Variants in SPTB observed in about 807,000 individuals in gnomAD.
SPTB encodes the protein spectrin beta, erythrocytic.
Under a neutral mutation model 256.2 loss-of-function variants are expected in SPTB, and 45 were observed. That is an observed-to-expected ratio of 0.18 (90% confidence interval 0.14 to 0.23). The LOEUF (loss-of-function observed/expected upper bound fraction) is 0.23, where lower values mean the gene tolerates loss of function less well. Ranked by LOEUF, SPTB falls within the 10% of genes least tolerant of loss-of-function variation. The probability of loss-of-function intolerance (pLI) is 1.00; values close to 1 mark genes in which losing one functional copy is unlikely to be tolerated. For missense variants in SPTB, 2,715 were observed against 3,040.4 expected (o/e 0.89, Z 2.52); for synonymous variants, 1,231 against 1,243.1 (o/e 0.99, Z 0.21).
At position 64,779,288 on chromosome 14, in the gene SPTB, G is replaced by A. The variant is rs1741486; in HGVS notation, c.4474-42C>T. The A allele has an allele frequency of 0.25, 385,526 of 1,538,138 alleles. 54,942 individuals carry two copies. Among genetic ancestry groups the A allele is most frequent in the African/African-American group, 0.61 (44,251 of 71,968 alleles). ...GCAGGAGAGAGCTGATGACAATCAC[G>A]GCCAACCTTTCCTGAGTGCTCACCA... On this transcript the variant is annotated intron_variant, in intron 21 of 35. Coordinates refer to ENST00000644917, the MANE Select transcript of SPTB (RefSeq NM_001355436.2). The surrounding 1 kb of genome is among the most constrained non-coding windows in gnomAD (Gnocchi z 4.2).
chr14:64,792,100 CG>C lies in SPTB; in HGVS notation c.2667-245del, dbSNP rs757359284. On this transcript the variant is annotated intron_variant, in intron 14 of 35. Coordinates refer to ENST00000644917, the MANE Select transcript of SPTB (RefSeq NM_001355436.2). This position sits in a 1 kb window ranked among gnomAD's most constrained non-coding sequence, Gnocchi z 4.2. ...GGGAGAGAGCCAGTTACTTCCTACA[CG>C]GGCTTCTGGCTCAAGAGAGACATAT... 1.3e-5 allele frequency among the ~76,000 whole-genome samples: 2 copies of C among 152,160 alleles called. No homozygotes were observed. Among genetic ancestry groups the C allele is most frequent in the Non-Finnish European group, 2.9e-5 (2 of 68,044 alleles).
chr14:64,847,115 C>G lies in SPTB; in HGVS notation c.-51-23970G>C, dbSNP rs1342001203. ...TCGGGGTGTGATTTCCTCAGTTGTT[C>G]ACTGGCATAGAAGCCTCAAGCCCAG... On this transcript the variant is annotated intron_variant, in intron 1 of 35. Coordinates refer to ENST00000644917, the MANE Select transcript of SPTB (RefSeq NM_001355436.2). This position sits in a 1 kb window ranked among gnomAD's most constrained non-coding sequence, Gnocchi z 5.9. Among the ~76,000 whole-genome samples, 1 of 152,182 alleles carries G rather than the reference C, an allele frequency of 6.6e-6. No individual in the cohort carries two copies. The highest frequency in any genetic ancestry group is 1.5e-5 in the Non-Finnish European group (1 of 68,034).
chr14:64,792,949 C>T lies in SPTB; in HGVS notation c.2666+48G>A, dbSNP rs1233451522. On this transcript the variant is annotated intron_variant, in intron 14 of 35. Transcript: ENST00000644917. This position sits in a 1 kb window ranked among gnomAD's most constrained non-coding sequence, Gnocchi z 4.2. ...TTACCAAACTAGGTGGGAGATGGTG[C>T]CCAGGCCTGGGTACAGGGACGTGAG... is the stretch of plus-strand genomic sequence containing the variant. 3 of 1,613,050 alleles carry T rather than the reference C, an allele frequency of 1.9e-6. No homozygotes were observed. The highest frequency in any genetic ancestry group is 2.5e-6 in the Non-Finnish European group (3 of 1,179,908).
chr14:64,749,374 C>T lies in SPTB; in HGVS notation c.6919G>A (p.Gly2307Ser), dbSNP rs367617790. The T allele has an allele frequency of 1.5e-5, 24 of 1,610,230 alleles. No homozygotes were observed. Among genetic ancestry groups the T allele is most frequent in the Non-Finnish European group, 1.8e-5 (21 of 1,179,748 alleles). The part of the protein sequence containing the change: ...AQSLPLPSLS[G>S]PDASLGKKDK... ...TTCTTGCCGAGGCTGGCGTCGGGGC[C>T]GGAGAGGGAAGGCAGGGGCAGGCTC... Residue 2307 changes from glycine to serine, a missense_variant, in exon 36 of 36, where the codon GGC (glycine) becomes AGC (serine). Coordinates refer to ENST00000644917, the MANE Select transcript of SPTB (RefSeq NM_001355436.2). This position sits in a 1 kb window ranked among gnomAD's most constrained non-coding sequence, Gnocchi z 4.7.
At chr14:64,769,781 C>G in intron 27 of SPTB, 53 bp from the exon 28 acceptor site, 1 of 1,612,472 alleles carries the variant, frequency 6.2e-7, no homozygotes, top group Non-Finnish European at 8.5e-7. Context: ...CTCTGGCCTG[C>G]CTCTGTGTCC....
At chr14:64,763,658 G>A in intron 32 of SPTB, 3 of 504,316 alleles carry the variant, frequency 5.9e-6, no homozygotes, top group Admixed American at 5.9e-5. Flanking sequence ...GTTACCAACA[G>A]AATTAAGGAC....
intron 33 of SPTB, among the ~76,000 whole-genome samples, chr14:64,751,942 AAATT>A (rs1461855268): frequency 6.8e-6 from 1 of 147,174 alleles, no homozygotes; most frequent in Non-Finnish European, 1.5e-5. Context: ...AAAAAAAAAA[AAATT>A]AGCCAGGCGT....
chr14:64,840,168 A>G (rs1008737758), intron 1 of SPTB, among the ~76,000 whole-genome samples: 14 of 152,172 alleles, frequency 9.2e-5, no homozygotes, highest in Admixed American at 7.2e-4. Flanking sequence ...TTTGTTATAT[A>G]CTCTGCTCCA....
intron 2 of SPTB, among the ~76,000 whole-genome samples, chr14:64,822,368 T>A (rs1466506167): frequency 0.037 from 20 of 540 alleles, no homozygotes; most frequent in Admixed American, 0.068. Context: ...TCTCTCTCTC[T>A]CTCTCTCACA....
rs376848372 is a variant in SPTB at position 64,791,834 on chromosome 14, T to C, written c.2689A>G (p.Met897Val). The C allele has an allele frequency of 2.8e-5, 46 of 1,614,040 alleles. No homozygotes were observed. The highest frequency in any genetic ancestry group is 3.9e-5 in the Non-Finnish European group (46 of 1,180,038). Residue 897 changes from methionine to valine, a missense_variant, in exon 15 of 36, where the codon ATG becomes GTG. By Grantham distance (21) the Met-to-Val change is conservative. Around this residue, in one of 4 missense-constraint regions of SPTB, gnomAD observed 2,239 missense variants for 2,384.4 expected, o/e 0.94. Coordinates refer to ENST00000644917, the MANE Select transcript of SPTB (RefSeq NM_001355436.2). ...TCAATCTGAGTCATCAAGGTCTTCA[T>C]CTCCTGGTCCAGGATGTCGAACCTG... ...QHRFDILDQE[M>V]KTLMTQIDGV...
chr14:64,814,352 C>T (rs1339428542), intron 2 of SPTB, among the ~76,000 whole-genome samples: 1 of 152,134 alleles, frequency 6.6e-6, no homozygotes, highest in Non-Finnish European at 1.5e-5. Context: ...TTAATATATA[C>T]ACAGACCTAT....
intron 1 of SPTB, among the ~76,000 whole-genome samples, chr14:64,875,740 A>C (rs188882683): frequency 8.2e-4 from 125 of 152,226 alleles, no homozygotes; most frequent in Non-Finnish European, 8.5e-4. Flanking sequence ...TTCCACAGTC[A>C]TTTTTGGCTT....
rs373118190 is a variant in SPTB at position 64,853,918 on chromosome 14, G to A, written c.-52+25874C>T. Among the ~76,000 whole-genome samples the A allele has an allele frequency of 2.6e-5, 4 of 152,114 alleles. No homozygotes were observed. Among genetic ancestry groups the A allele is most frequent in the African/African-American group, 9.7e-5 (4 of 41,416 alleles). On this transcript the variant is annotated intron_variant, in intron 1 of 35. Coordinates refer to ENST00000644917, the MANE Select transcript of SPTB (RefSeq NM_001355436.2). The surrounding 1 kb of genome is among the most constrained non-coding windows in gnomAD (Gnocchi z 4.3). ...TTTAGATACTTATCACTGGCCAGCCGCGGTGGCTCACGCCTGTAATCCCAG... is the reference window on the plus strand; with the variant it reads ...TTTAGATACTTATCACTGGCCAGCCACGGTGGCTCACGCCTGTAATCCCAG...
intron 8 of SPTB, 62 bp from the exon 9 acceptor site, chr14:64,799,996 A>T (rs550504178): frequency 3.8e-6 from 6 of 1,586,202 alleles, no homozygotes; most frequent in Admixed American, 1.7e-5. Context: ...GAGGATATCA[A>T]TGAGGACCAC....
At chr14:64,817,750 C>A (rs979488429) in intron 2 of SPTB, among the ~76,000 whole-genome samples, 2 of 152,238 alleles carry the variant, frequency 1.3e-5, no homozygotes, top group Non-Finnish European at 2.9e-5. Flanking sequence ...GTCCTGAGGA[C>A]ACTCTCAGGG....
At position 64,853,452 on chromosome 14, in the gene SPTB, A is replaced by G. The variant is rs529565644; in HGVS notation, c.-52+26340T>C. Reference sequence around the variant, plus strand: ...CTCAGGGGAGGAAATTTCCAGAAGCAAGGAGCAAACAACACTGTCCCATAT... The same window carrying G: ...CTCAGGGGAGGAAATTTCCAGAAGCGAGGAGCAAACAACACTGTCCCATAT... On this transcript the variant is annotated intron_variant, in intron 1 of 35. Coordinates refer to ENST00000644917, the MANE Select transcript of SPTB (RefSeq NM_001355436.2). This position sits in a 1 kb window ranked among gnomAD's most constrained non-coding sequence, Gnocchi z 4.3. Among the ~76,000 whole-genome samples, 7 of 152,368 alleles carry G rather than the reference A, an allele frequency of 4.6e-5. No homozygotes were observed. The highest frequency in any genetic ancestry group is 1.7e-4 in the African/African-American group (7 of 41,588).
At chr14:64,838,708 C>T (rs964788390) in intron 1 of SPTB, among the ~76,000 whole-genome samples, 3 of 151,766 alleles carry the variant, frequency 2.0e-5, no homozygotes, top group African/African-American at 4.8e-5. Flanking sequence ...CCTATCAGAA[C>T]GGCTTTAAAA....
rs199551302 is a variant in SPTB, at chr14:64,773,308, C to T, written c.5090G>A (p.Arg1697Gln). 1.7e-4 allele frequency: 278 copies of T among 1,614,224 alleles called. No individual in the cohort carries two copies. Among genetic ancestry groups the T allele is most frequent in the Non-Finnish European group, 2.2e-4 (263 of 1,180,038 alleles). Residue 1697 changes from arginine to glutamine, a missense_variant, in exon 25 of 36, where the codon CGG becomes CAG. Transcript: ENST00000644917. ...ENMYHLFQLK[R>Q]ETDDLEQWIS... ...CCACTGCTCCAGGTCGTCGGTCTCC[C>T]GCTTGAGCTGGAACAGGTGGTACAT...
At chr14:64,869,999 GGTTTT>G (rs1251257983) in intron 1 of SPTB, among the ~76,000 whole-genome samples, 20 of 152,078 alleles carry the variant, frequency 1.3e-4, no homozygotes, top group Non-Finnish European at 2.5e-4. Flanking sequence ...TAGGTGCAGA[GGTTTT>G]GTTTTGTTTT....
Sources: allele counts gnomAD v4.1 joint callset (sites outside exome capture counted in the v4.1 genomes callset), GRCh38; gene constraint gnomAD v4.1.1; regional missense constraint gnomAD v4.1.1; non-coding constraint Gnocchi (gnomAD v3.1); transcripts MANE v1.5; gene names NCBI Gene and HGNC (gene_info 2026-07-23, HGNC 2026-07-21).